The following CREG1 variants were observed in gnomAD, a reference collection of about 807,000 sequenced individuals.
CREG1 encodes the protein protein CREG1.
Under a neutral mutation model 19.9 loss-of-function variants are expected in CREG1, and 20 were observed. The ratio of observed to expected loss-of-function variants is 1.01; its 90% confidence interval spans 0.71 to 1.46. The LOEUF is 1.46. Ranked by LOEUF, CREG1 falls within the 40% of genes most tolerant of loss-of-function variation. CREG1 has a pLI of 0.00. For missense variants in CREG1, 290 were observed against 314.9 expected (o/e 0.92, Z 0.60); for synonymous variants, 141 against 143.3 (o/e 0.98, Z 0.12).
intron 3 of CREG1, 23 bp from the exon 4 acceptor site, chr1:167,542,324 ATTATT>A (rs1198937311): frequency 1.3e-6 from 2 of 1,597,970 alleles, no homozygotes; most frequent in East Asian, 4.5e-5. Context: ...ACAGAGAAGA[ATTATT>A]TTGTTAAACT....
chr1:167,544,364 G>C (rs1656283272), intron 3 of CREG1, among the ~76,000 whole-genome samples: 1 of 138,940 alleles, frequency 7.2e-6, no homozygotes, highest in Non-Finnish European at 1.6e-5. Context: ...AATCATGGTA[G>C]GGAGTCAATA....
In CREG1 at chr1:167,546,152, A is replaced by C. The variant is rs748398421; in HGVS notation, c.608T>G (p.Phe203Cys). The change falls in exon 3 of 4, where the codon TTT (phenylalanine) becomes TGT (cysteine). Residue 203 changes from phenylalanine (F) to cysteine (C), a missense_variant. By Grantham distance (205) the Phe-to-Cys change is radical (BLOSUM62 -2). Coordinates refer to ENST00000370509, the MANE Select transcript of CREG1 (RefSeq NM_003851.3). ...TGGTGTCACGATTTTTGGTCCACCAAAGTAGTCCAGGACCCAGATATTGGT... is the reference window on the plus strand; with the variant it reads ...TGGTGTCACGATTTTTGGTCCACCACAGTAGTCCAGGACCCAGATATTGGT... ...NITNIWVLDY[F>C]GGPKIVTPEE... is the part of the protein sequence containing the mutation. The C allele has an allele frequency of 3.1e-6, 5 of 1,611,916 alleles. No individual in the cohort carries two copies. The East Asian group carries it at 1.1e-4, about 36-fold the overall frequency.
At chr1:167,549,067 C>A (rs1000674168) in intron 1 of CREG1, among the ~76,000 whole-genome samples, 3 of 152,096 alleles carry the variant, frequency 2.0e-5, no homozygotes, top group Non-Finnish European at 4.4e-5. Flanking sequence ...ATATTCAAAA[C>A]CAGGATAGAA....
chr1:167,543,952 C>A (rs1656272258), intron 3 of CREG1, among the ~76,000 whole-genome samples: 1 of 152,210 alleles, frequency 6.6e-6, no homozygotes, highest in Admixed American at 6.5e-5. Flanking sequence ...GTTATTAAAC[C>A]AGGCACTGCC....
chr1:167,546,614 C>T (rs1469894408), intron 2 of CREG1, among the ~76,000 whole-genome samples: 1 of 152,038 alleles, frequency 6.6e-6, no homozygotes, highest in Non-Finnish European at 1.5e-5. Context: ...TGCACTCCAG[C>T]CTGCATGACA....
chr1:167,543,492 G>C (rs1438948869), intron 3 of CREG1, among the ~76,000 whole-genome samples: 1 of 152,192 alleles, frequency 6.6e-6, no homozygotes, highest in Non-Finnish European at 1.5e-5. Flanking sequence ...AAACCGATCT[G>C]GGCAAGCCAA....
intron 3 of CREG1, among the ~76,000 whole-genome samples, chr1:167,545,851 A>G (rs1027814535): frequency 6.6e-6 from 1 of 152,010 alleles, no homozygotes; most frequent in African/African-American, 2.4e-5. Context: ...TCTTATATTT[A>G]ATATATTAAT....
intron 1 of CREG1, among the ~76,000 whole-genome samples, chr1:167,550,096 G>A (rs1656399570): frequency 6.6e-6 from 1 of 152,104 alleles, no homozygotes; most frequent in African/African-American, 2.4e-5. Flanking sequence ...CTCAACTGAT[G>A]CTCTCAACTC....
In CREG1 at chr1:167,548,245, A is replaced by T. The variant is rs114355836; in HGVS notation, c.355-124T>A. 1,129 of 657,274 alleles carry T rather than the reference A, an allele frequency of 1.7e-3. 9 individuals are homozygous for T. The African/African-American group carries it at 0.019, about 11-fold the overall frequency. The allele number at this position is 657,274 out of a possible 1,614,324, so 40.7% of individuals were successfully genotyped here. On this transcript the variant is annotated intron_variant, in intron 1 of 3. Transcript: ENST00000370509. ...GGTCTTCCACGAAACAATGAATCAT[A>T]AAACATCACCTTCCACTCAGGGGAA... is the stretch of plus-strand genomic sequence containing the variant.
chr1:167,550,128 T>C (rs1281789485), intron 1 of CREG1, among the ~76,000 whole-genome samples: 1 of 152,210 alleles, frequency 6.6e-6, no homozygotes, highest in African/African-American at 2.4e-5. Flanking sequence ...TAGCTGGGAC[T>C]ACGGTCGTAC....
intron 1 of CREG1, among the ~76,000 whole-genome samples, chr1:167,553,114 G>T (rs1656448757): frequency 6.6e-6 from 1 of 151,808 alleles, no homozygotes; most frequent in Non-Finnish European, 1.5e-5. Context: ...CAAGACGACT[G>T]AGAACCACTC....
At chr1:167,543,246 CA>C (rs11305702) in intron 3 of CREG1, among the ~76,000 whole-genome samples, 117,267 of 142,052 alleles carry the variant, frequency 0.83, 48,079 homozygotes, top group East Asian at 0.96. Flanking sequence ...GACTCCATCT[CA>C]AAAAAAAAAA....
intron 1 of CREG1, among the ~76,000 whole-genome samples, chr1:167,548,440 G>C (rs569456371): frequency 2.6e-5 from 4 of 152,154 alleles, no homozygotes; most frequent in Non-Finnish European, 5.9e-5. Context: ...ATTCAAGGCT[G>C]TTCTATAGGC....
chr1:167,551,969 A>C (rs1656430069), intron 1 of CREG1, among the ~76,000 whole-genome samples: 1 of 152,248 alleles, frequency 6.6e-6, no homozygotes. Flanking sequence ...ATTTTTCAAG[A>C]AAAGTTAGAG....
At chr1:167,546,027 AC>A (rs1288707943) in intron 3 of CREG1, 73 bp downstream of exon 3, 35 of 1,325,104 alleles carry the variant, frequency 2.6e-5, no homozygotes, top group Non-Finnish European at 3.6e-5. Flanking sequence ...AAACGGTTAA[AC>A]CCCCCTTGCC....
intron 1 of CREG1, among the ~76,000 whole-genome samples, chr1:167,552,063 G>T (rs1419344469): frequency 6.6e-6 from 1 of 152,184 alleles, no homozygotes; most frequent in East Asian, 1.9e-4. Flanking sequence ...ACTTTGTGTA[G>T]GCCAAACCGG....
chr1:167,553,493 C>G lies in CREG1; in HGVS notation c.249G>C (p.Arg83=). 1 of 1,490,574 alleles carries G rather than the reference C, an allele frequency of 6.7e-7. No individual in the cohort carries two copies. The highest frequency in any genetic ancestry group is 8.9e-7 in the Non-Finnish European group (1 of 1,127,886). 92.3% of individuals were successfully genotyped at this position (1,490,574 alleles called of 1,614,324 possible). Residue 83 remains arginine, a synonymous_variant, in exon 1 of 4, where the codon CGG becomes CGC. Coordinates refer to ENST00000370509, the MANE Select transcript of CREG1 (RefSeq NM_003851.3). ...TISTLEAVRG[R]PFADVLSLSD... is the part of the protein sequence containing the mutation. ...TGAGCGAGAGGACGTCGGCGAAGGG[C>G]CGGCCGCGCACCGCCTCCAGCGTGG...
Position 167,546,423 on chromosome 1 carries a change from C to T in CREG1, c.475-138G>A, listed in dbSNP as rs920111038. ...CTTTGGAAGGCCAAGGCGGGCGGAT[C>T]ACGAGGTCAGGAGACTCAGACCATC... On this transcript the variant is annotated intron_variant, in intron 2 of 3. Coordinates refer to ENST00000370509, the MANE Select transcript of CREG1 (RefSeq NM_003851.3). The T allele has an allele frequency of 3.5e-5, 19 of 537,838 alleles. No individual in the cohort carries two copies. In the African/African-American group the frequency reaches 3.7e-4, roughly 11 times the overall value. 33.3% of individuals were successfully genotyped at this position (537,838 alleles called of 1,614,324 possible).
chr1:167,549,548 C>A (rs1656388756), intron 1 of CREG1, among the ~76,000 whole-genome samples: 1 of 152,132 alleles, frequency 6.6e-6, no homozygotes, highest in Non-Finnish European at 1.5e-5. Flanking sequence ...CCACGCCCAG[C>A]TGATTTTTGT....
Sources: allele counts gnomAD v4.1 joint callset (sites outside exome capture counted in the v4.1 genomes callset), GRCh38; gene constraint gnomAD v4.1.1; transcripts MANE v1.5; gene names NCBI Gene and HGNC (gene_info 2026-07-23, HGNC 2026-07-21).